The following CLVS2 variants were observed in gnomAD, a reference collection of about 807,000 sequenced individuals.
CLVS2 encodes clavesin-2.
A neutral mutation model predicts 29.0 loss-of-function variants in CLVS2; 19 were observed. The observed-to-expected ratio is 0.66, with a 90% CI of 0.46 to 0.96. The LOEUF (loss-of-function observed/expected upper bound fraction) is 0.96. Among genes scored for constraint, CLVS2 ranks in the 40% least tolerant of loss-of-function variants. The pLI is 0.00. For synonymous variants in CLVS2, 161 were observed against 151.3 expected, an observed-to-expected ratio of 1.06 and a Z score of -0.47; for missense variants, 294 against 404.1, an observed-to-expected ratio of 0.73 and a Z score of 2.34.
In CLVS2 at chr6:123,056,004, C is replaced by A. The variant is rs778065897; in HGVS notation, c.874C>A (p.Leu292Ile). 3 of 1,613,256 alleles carry A rather than the reference C, an allele frequency of 1.9e-6. No individual in the cohort carries two copies. Among genetic ancestry groups the A allele is most frequent in the Non-Finnish European group, 2.5e-6 (3 of 1,179,472 alleles). Residue 292 changes from leucine to isoleucine, a missense_variant, in exon 5 of 6, where the codon CTC becomes ATC. Leu to Ile is a conservative substitution (Grantham distance 5). Transcript: ENST00000275162. ...SMPVKEVEKE[L>I]SPKSMKRSQS... ...GCCTGTGAAGGAAGTAGAGAAGGAA[C>A]TCTCCCCAAAGTCCATGAAGAGGTA... is the stretch of plus-strand genomic sequence containing the variant.
chr6:123,063,735 A>C lies in CLVS2; in HGVS notation c.958A>C (p.Met320Leu). 1 of 1,610,376 alleles carries C rather than the reference A, an allele frequency of 6.2e-7. No individual in the cohort carries two copies. Among genetic ancestry groups the C allele is most frequent in the Non-Finnish European group, 8.5e-7 (1 of 1,176,826 alleles). The change falls in exon 6 of 6, where the codon ATG (methionine) becomes CTG (leucine). Residue 320 changes from methionine to leucine, a missense_variant. Met to Leu is a conservative substitution (Grantham distance 15, BLOSUM62 2). Transcript: ENST00000275162. ...KRMDKNEEEN[M>L]QPLLSLD ...CATGGATAAAAATGAGGAAGAAAAC[A>C]TGCAACCATTGCTTTCTCTGGACTA...
intron 5 of CLVS2, among the ~76,000 whole-genome samples, chr6:123,060,369 A>G (rs1199142363): frequency 6.6e-6 from 1 of 152,262 alleles, no homozygotes; most frequent in African/African-American, 2.4e-5. Flanking sequence ...TGCCTGGCAC[A>G]TAACAGTAGT....
At chr6:123,003,890 CTG>C (rs1471752088) in intron 2 of CLVS2, among the ~76,000 whole-genome samples, 1 of 152,110 alleles carries the variant, frequency 6.6e-6, no homozygotes, top group Non-Finnish European at 1.5e-5. Context: ...AATAATTCTA[CTG>C]TGTGTATTGT....
At chr6:123,060,098 A>T (rs570649371) in intron 5 of CLVS2, among the ~76,000 whole-genome samples, 87 of 152,382 alleles carry the variant, frequency 5.7e-4, no homozygotes, top group African/African-American at 2.0e-3. Flanking sequence ...TATGTTCCAC[A>T]CTGATTCCCC....
At chr6:123,010,532 A>G (rs2114307398) in intron 2 of CLVS2, among the ~76,000 whole-genome samples, 1 of 152,130 alleles carries the variant, frequency 6.6e-6, no homozygotes, top group Non-Finnish European at 1.5e-5. Context: ...AGTAATTTGA[A>G]TTGAGTAACT....
At chr6:123,022,874 A>G (rs1774944166) in intron 3 of CLVS2, among the ~76,000 whole-genome samples, 1 of 152,084 alleles carries the variant, frequency 6.6e-6, no homozygotes, top group Non-Finnish European at 1.5e-5. Flanking sequence ...ACATAGAACA[A>G]TGATGGGTTT....
intron 5 of CLVS2, among the ~76,000 whole-genome samples, chr6:123,058,389 C>A (rs1772725645): frequency 6.6e-6 from 1 of 152,178 alleles, no homozygotes; most frequent in Non-Finnish European, 1.5e-5. Context: ...TCTTTGTCAG[C>A]TAATGAGGCC....
chr6:123,026,246 A>G lies in CLVS2; in HGVS notation c.564+15087A>G, dbSNP rs968796489. Among the ~76,000 whole-genome samples, 7 of 152,242 alleles carry G rather than the reference A, an allele frequency of 4.6e-5. 1 individual carries two copies. The highest frequency in any genetic ancestry group is 4.6e-4 in the Admixed American group (7 of 15,276). ...AAGAAAAGGCATTGGAATGGACACA[A>G]TGCTTATATGATACTAATAGGACTA... On this transcript the variant is annotated intron_variant, in intron 3 of 5. Coordinates refer to ENST00000275162, the MANE Select transcript of CLVS2 (RefSeq NM_001010852.4).
intron 5 of CLVS2, among the ~76,000 whole-genome samples, chr6:123,060,922 G>A (rs1005496032): frequency 2.0e-5 from 3 of 152,184 alleles, no homozygotes; most frequent in African/African-American, 7.2e-5. Context: ...TGAGAAATGA[G>A]TATTGGATAT....
rs557390800 is a variant in CLVS2 at position 123,021,389 on chromosome 6, C to T, written c.564+10230C>T. On this transcript the variant is annotated intron_variant, in intron 3 of 5. Coordinates refer to ENST00000275162, the MANE Select transcript of CLVS2 (RefSeq NM_001010852.4). ...TTTAAGCACGCAACCGGGAGGGGAT[C>T]TTTTTATGTGTCCACCAGACACTTA... Among the ~76,000 whole-genome samples, 11 of 151,932 alleles carry T rather than the reference C, an allele frequency of 7.2e-5. 1 individual carries two copies. In the East Asian group the frequency reaches 2.1e-3, roughly 29 times the overall value.
chr6:123,030,638 G>A (rs1190065736), intron 3 of CLVS2, among the ~76,000 whole-genome samples: 1 of 152,006 alleles, frequency 6.6e-6, no homozygotes, highest in Non-Finnish European at 1.5e-5. Context: ...GCTGTAGACT[G>A]TATATCCAAA....
chr6:123,017,147 G>T lies in CLVS2; in HGVS notation c.564+5988G>T, dbSNP rs567729644. On this transcript the variant is annotated intron_variant, in intron 3 of 5. Coordinates refer to ENST00000275162, the MANE Select transcript of CLVS2 (RefSeq NM_001010852.4). The stretch of plus-strand genomic sequence containing the variant: ...GATGGTTAAGGGAGAGTGTAGAAAA[G>T]AACTTAGTGAGATATTGACTAAATT... 5.5e-4 allele frequency among the ~76,000 whole-genome samples: 84 copies of T among 151,790 alleles called. No individual in the cohort carries two copies. In the Middle Eastern group the frequency reaches 0.01, roughly 18 times the overall value.
chr6:123,041,969 TA>T (rs1327190849), intron 3 of CLVS2, among the ~76,000 whole-genome samples: 9 of 152,292 alleles, frequency 5.9e-5, no homozygotes, highest in African/African-American at 2.2e-4. Flanking sequence ...TTGAATATTC[TA>T]AAAAAAGTTA....
chr6:123,030,064 G>A (rs189040402), intron 3 of CLVS2, among the ~76,000 whole-genome samples: 23 of 152,176 alleles, frequency 1.5e-4, no homozygotes, highest in Non-Finnish European at 2.2e-4. Context: ...TAAAAACTGC[G>A]CAAGCGCTGG....
At chr6:122,996,927 C>G (rs1467898692) in intron 1 of CLVS2, among the ~76,000 whole-genome samples, 181 bp downstream of exon 1, 1 of 151,946 alleles carries the variant, frequency 6.6e-6, no homozygotes, top group African/African-American at 2.4e-5. Flanking sequence ...GCGGCAAGTC[C>G]GTGGAAATGA....
intron 3 of CLVS2, among the ~76,000 whole-genome samples, chr6:123,044,348 G>A (rs897347821): frequency 6.6e-6 from 1 of 152,140 alleles, no homozygotes; most frequent in Non-Finnish European, 1.5e-5. Flanking sequence ...AACCAAAAGC[G>A]CTTTAGATAG....
chr6:123,059,712 A>C (rs1384333362), intron 5 of CLVS2, among the ~76,000 whole-genome samples: 1 of 152,190 alleles, frequency 6.6e-6, no homozygotes, highest in East Asian at 1.9e-4. Context: ...CTCTTTACTT[A>C]CCAATCCATA....
intron 3 of CLVS2, among the ~76,000 whole-genome samples, chr6:123,048,062 T>G (rs1030299022): frequency 2.6e-5 from 4 of 152,150 alleles, no homozygotes; most frequent in African/African-American, 9.6e-5. Flanking sequence ...TGCATTTTTA[T>G]TTTGCTTAAG....
At chr6:123,034,760 A>T (rs1775127271) in intron 3 of CLVS2, among the ~76,000 whole-genome samples, 1 of 152,110 alleles carries the variant, frequency 6.6e-6, no homozygotes, top group Non-Finnish European at 1.5e-5. Context: ...GGCTCCACAG[A>T]TTGTACCACT....
Sources: gnomAD v4.1 joint callset for allele counts (sites outside exome capture counted in the v4.1 genomes callset) on GRCh38, gnomAD v4.1.1 for gene constraint, MANE v1.5 for transcripts, NCBI Gene and HGNC (gene_info 2026-07-23, HGNC 2026-07-21) for gene names.